FAM135A: variants seen among roughly 807,000 people sequenced by gnomAD.
FAM135A encodes protein FAM135A.
In FAM135A, 79 loss-of-function variants were observed where a neutral mutation model predicts 146.8. The observed-to-expected ratio is 0.54, with a 90% CI of 0.45 to 0.65. The LOEUF is 0.65. FAM135A is among the 30% of genes least tolerant of loss of function. The pLI is 0.00. For missense variants in FAM135A, 1,623 were observed against 1,758.2 expected (o/e 0.92, Z 1.38); for synonymous variants, 562 against 603.6 (o/e 0.93, Z 1.01).
rs200953990 is a variant in FAM135A at position 70,475,576 on chromosome 6, G to T, written c.297+27G>T. ...TAAACATCTCTTCATATTTATTTAT[G>T]TAAATATTTTTTGTAATGCCTCAAG... On this transcript the variant is annotated intron_variant, in intron 6 of 21. Transcript: ENST00000418814. 688 of 1,573,626 alleles carry T rather than the reference G, an allele frequency of 4.4e-4. 1 individual carries two copies. Among genetic ancestry groups the T allele is most frequent in the Non-Finnish European group, 4.9e-4 (570 of 1,158,804 alleles).
rs78567513 is a variant in FAM135A at position 70,517,837 on chromosome 6, A to C, written c.1030-4676A>C. Among the ~76,000 whole-genome samples, 891 of 152,274 alleles carry C rather than the reference A, an allele frequency of 5.9e-3. 3 individuals are homozygous for C. The highest frequency in any genetic ancestry group is 0.013 in the South Asian group (61 of 4,818). On this transcript the variant is annotated intron_variant, in intron 12 of 21. Transcript: ENST00000418814. ...TGTGCCCATATATGACAGTGAACTT[A>C]ATACATGTTGTGTTTGTTCTGACTG...
At position 70,526,225 on chromosome 6, in the gene FAM135A, C is replaced by A; in HGVS notation, c.3141C>A (p.Ser1047Arg). Residue 1047 changes from serine to arginine, a missense_variant, in exon 15 of 22, where the codon AGC (serine) becomes AGA (arginine). Transcript: ENST00000418814. ...GLVENYFGSQ[S>R]STDISDTCAV... The stretch of plus-strand genomic sequence containing the variant: ...TGGAAAATTATTTTGGTTCTCAAAG[C>A]AGTACGGATATTTCTGACACATGTG... 1 of 1,613,418 alleles carries A rather than the reference C, an allele frequency of 6.2e-7. No homozygotes were observed. The highest frequency in any genetic ancestry group is 1.7e-5 in the Admixed American group (1 of 59,988).
At chr6:70,511,647 C>G (rs545001276) in intron 12 of FAM135A, among the ~76,000 whole-genome samples, 1 of 151,984 alleles carries the variant, frequency 6.6e-6, no homozygotes, top group African/African-American at 2.4e-5. Flanking sequence ...GTTGTATAAA[C>G]ACTTGTACAG....
Position 70,530,063 on chromosome 6 carries a change from C to CA in FAM135A, c.3775+1622dup, listed in dbSNP as rs372824722. ...TGGGCTACAGACTAAGACTACGTCT[C>CA]AAAAAAAAAAATAATAATAATGAAT... On this transcript the variant is annotated intron_variant, in intron 16 of 21. Transcript: ENST00000418814. Among the ~76,000 whole-genome samples, 881 of 145,598 alleles carry CA rather than the reference C, an allele frequency of 6.1e-3. 7 individuals carry two copies. Among genetic ancestry groups the CA allele is most frequent in the Non-Finnish European group, 9.3e-3 (615 of 66,146 alleles).
chr6:70,528,775 C>T (rs35697322), intron 16 of FAM135A, among the ~76,000 whole-genome samples: 33 of 151,686 alleles, frequency 2.2e-4, no homozygotes, highest in Non-Finnish European at 4.1e-4. Context: ...TAGGTATACA[C>T]GTGCCATGGT....
intron 5 of FAM135A, among the ~76,000 whole-genome samples, chr6:70,460,971 G>A (rs1209833987): frequency 2.6e-5 from 4 of 151,130 alleles, no homozygotes; most frequent in Admixed American, 6.6e-5. Context: ...TTATAGGCAC[G>A]CACCACCACG....
chr6:70,522,513 G>T lies in FAM135A; in HGVS notation c.1030G>T (p.Val344Leu). Residue 344 changes from valine (V) to leucine (L), a missense_variant and splice_region_variant, in exon 13 of 22, where the codon GTA (valine) becomes TTA (leucine). Val to Leu is a conservative substitution (Grantham distance 32). Coordinates refer to ENST00000418814, the MANE Select transcript of FAM135A (RefSeq NM_001162529.3). ...AATACTCTCCTTTGGAATTTTTTAG[G>T]TACGCAGATTTTCTGAGGCATTCTT... ...LLAQEHHTLR[V>L]RRFSEAFFCF... 6.2e-7 allele frequency: 1 copy of T among 1,612,094 alleles called. No homozygotes were observed. The highest frequency in any genetic ancestry group is 8.5e-7 in the Non-Finnish European group (1 of 1,178,788).
At chr6:70,537,370 T>C (rs996329239) in intron 19 of FAM135A, among the ~76,000 whole-genome samples, 3 of 152,206 alleles carry the variant, frequency 2.0e-5, no homozygotes, top group African/African-American at 7.2e-5. Flanking sequence ...GAAAATCTTA[T>C]TGCTATTTCC....
chr6:70,517,599 A>G (rs1792578333), intron 12 of FAM135A, among the ~76,000 whole-genome samples: 1 of 151,852 alleles, frequency 6.6e-6, no homozygotes, highest in African/African-American at 2.4e-5. Flanking sequence ...TTGTATTTTT[A>G]GTAGAGACAG....
chr6:70,474,598 C>A (rs1455567196), intron 5 of FAM135A, among the ~76,000 whole-genome samples: 1 of 152,118 alleles, frequency 6.6e-6, no homozygotes, highest in Admixed American at 6.5e-5. Context: ...CAAAAGGATT[C>A]AAATCAGAAT....
chr6:70,531,194 T>C (rs753647642), intron 16 of FAM135A, among the ~76,000 whole-genome samples: 4 of 152,196 alleles, frequency 2.6e-5, no homozygotes, highest in Non-Finnish European at 5.9e-5. Flanking sequence ...TAAGCAGATA[T>C]TATCATTCTT....
intron 5 of FAM135A, among the ~76,000 whole-genome samples, chr6:70,467,707 CCTT>C (rs1485444932): frequency 1.3e-5 from 2 of 151,832 alleles, no homozygotes; most frequent in African/African-American, 4.8e-5. Flanking sequence ...CTCCCTTTCT[CCTT>C]CTTTTCTCCT....
intron 5 of FAM135A, among the ~76,000 whole-genome samples, chr6:70,472,772 G>T (rs931948227): frequency 1.3e-5 from 2 of 152,124 alleles, no homozygotes; most frequent in Admixed American, 6.5e-5. Context: ...ATTTTTTAGA[G>T]TGTTCTTCAG....
chr6:70,511,991 C>G (rs543111336), intron 12 of FAM135A, among the ~76,000 whole-genome samples: 13 of 151,998 alleles, frequency 8.6e-5, no homozygotes, highest in African/African-American at 3.1e-4. Context: ...TTGTCTTAAA[C>G]GTCATTATGT....
intron 8 of FAM135A, among the ~76,000 whole-genome samples, chr6:70,480,084 C>T (rs1783423004): frequency 6.6e-6 from 1 of 152,160 alleles, no homozygotes; most frequent in African/African-American, 2.4e-5. Context: ...AACTATCGAA[C>T]AGTTCAAATG....
intron 9 of FAM135A, among the ~76,000 whole-genome samples, chr6:70,481,793 A>G (rs1017382730): frequency 6.6e-6 from 1 of 152,216 alleles, no homozygotes; most frequent in African/African-American, 2.4e-5. Flanking sequence ...ACTTGTTATA[A>G]AAACCCACTG....
At chr6:70,536,186 T>C in intron 18 of FAM135A, 74 bp from the exon 19 acceptor site, 1 of 1,413,780 alleles carries the variant, frequency 7.1e-7, no homozygotes, top group Non-Finnish European at 9.5e-7. Context: ...ACATCCATTT[T>C]ATAGTGGATC....
chr6:70,528,995 T>C lies in FAM135A; in HGVS notation c.3775+543T>C, dbSNP rs1213221217. ...GAATGATGATTTCCAGCTTCATCCA[T>C]GTCCCTGCAAAGGACCTGAGCTCAG... On this transcript the variant is annotated intron_variant, in intron 16 of 21. Transcript: ENST00000418814. Among the ~76,000 whole-genome samples, 5 of 152,202 alleles carry C rather than the reference T, an allele frequency of 3.3e-5. No homozygotes were observed. The East Asian group carries it at 7.7e-4, about 24-fold the overall frequency.
chr6:70,435,100 TATA>T (rs1562411652), intron 4 of FAM135A, among the ~76,000 whole-genome samples: 5 of 124,164 alleles, frequency 4.0e-5, no homozygotes, highest in African/African-American at 1.4e-4. Flanking sequence ...TATATATATA[TATA>T]TATATATTTT....
Sources: gnomAD v4.1 joint callset for allele counts (sites outside exome capture counted in the v4.1 genomes callset) on GRCh38, gnomAD v4.1.1 for gene constraint, MANE v1.5 for transcripts, NCBI Gene and HGNC (gene_info 2026-07-23, HGNC 2026-07-21) for gene names.